Variants in NAV2 observed in about 807,000 individuals in gnomAD.
NAV2 encodes neuron navigator 2.
A neutral mutation model predicts 223.2 loss-of-function variants in NAV2; 54 were observed. The observed-to-expected ratio is 0.24, with a 90% confidence interval of 0.19 to 0.30. The LOEUF is 0.30. Among genes scored for constraint, NAV2 ranks in the 10% least tolerant of loss-of-function variants. The probability of loss-of-function intolerance (pLI) is 1.00; values close to 1 mark genes in which losing one functional copy is unlikely to be tolerated. For missense variants in NAV2, 2,806 were observed against 3,147.5 expected, an observed-to-expected ratio of 0.89 and a Z score of 2.60; for synonymous variants, 1,279 against 1,239.3, an observed-to-expected ratio of 1.03 and a Z score of -0.67.
intron 1 of NAV2, among the ~76,000 whole-genome samples, chr11:19,386,197 C>T (rs1849036395): frequency 6.6e-6 from 1 of 152,212 alleles, no homozygotes; most frequent in South Asian, 2.1e-4. Context: ...ATGCATTTAA[C>T]AATCGTTTGG....
chr11:19,803,037 GGTTT>G (rs2058358093), intron 1 of NAV2, among the ~76,000 whole-genome samples: 1 of 152,052 alleles, frequency 6.6e-6, no homozygotes, highest in Admixed American at 6.6e-5. Flanking sequence ...TCCAGGCTGG[GGTTT>G]ATTTTTACCA....
chr11:19,618,113 T>C (rs1012826715), intron 1 of NAV2, among the ~76,000 whole-genome samples: 1 of 152,240 alleles, frequency 6.6e-6, no homozygotes, highest in African/African-American at 2.4e-5. Context: ...ATAAGACCCA[T>C]AAGGCAGATA....
intron 36 of NAV2, among the ~76,000 whole-genome samples, chr11:20,108,593 C>T (rs1174650073): frequency 6.8e-6 from 1 of 147,482 alleles, no homozygotes; most frequent in Non-Finnish European, 1.5e-5. Context: ...CAGGCGTGTG[C>T]TACCACACCT....
At chr11:19,586,506 G>T (rs951676531) in intron 1 of NAV2, among the ~76,000 whole-genome samples, 1 of 152,210 alleles carries the variant, frequency 6.6e-6, no homozygotes, top group African/African-American at 2.4e-5. Flanking sequence ...CCATCTTTGT[G>T]GTTTTATCTA....
chr11:19,824,476 C>T (rs182614481), intron 1 of NAV2, among the ~76,000 whole-genome samples: 51 of 152,284 alleles, frequency 3.3e-4, no homozygotes, highest in African/African-American at 1.1e-3. Flanking sequence ...TCTGAGAAAC[C>T]GGAGAGCAGA....
chr11:19,593,153 C>T (rs1254084942), intron 1 of NAV2, among the ~76,000 whole-genome samples: 1 of 152,152 alleles, frequency 6.6e-6, no homozygotes, highest in Non-Finnish European at 1.5e-5. Context: ...CTCTCCCTTC[C>T]GCCACCCCCA....
At chr11:19,485,903 A>T (rs1322854767) in intron 1 of NAV2, among the ~76,000 whole-genome samples, 2 of 152,088 alleles carry the variant, frequency 1.3e-5, no homozygotes, top group African/African-American at 4.8e-5. Context: ...TTATTACAGT[A>T]TACAGGGAAA....
At chr11:19,593,691 T>A (rs1173203664) in intron 1 of NAV2, among the ~76,000 whole-genome samples, 1 of 152,176 alleles carries the variant, frequency 6.6e-6, no homozygotes, top group Non-Finnish European at 1.5e-5. Flanking sequence ...TGTCTCTACA[T>A]CTTTGCTGGA....
chr11:20,087,525 G>C (rs2153676475), intron 26 of NAV2, among the ~76,000 whole-genome samples: 1 of 152,286 alleles, frequency 6.6e-6, no homozygotes, highest in South Asian at 2.1e-4. Flanking sequence ...CAAAAGGAAT[G>C]GTAGTTGTGG....
intron 11 of NAV2, among the ~76,000 whole-genome samples, chr11:19,984,762 G>C (rs1205461297): frequency 1.3e-5 from 2 of 152,208 alleles, no homozygotes; most frequent in Admixed American, 1.3e-4. Flanking sequence ...CATAGAGGTT[G>C]ATCAGGCGTC....
At chr11:19,797,831 G>A (rs1047705085) in intron 1 of NAV2, among the ~76,000 whole-genome samples, 63 of 152,234 alleles carry the variant, frequency 4.1e-4, no homozygotes, top group African/African-American at 1.5e-3. Context: ...CCCTCCTCAG[G>A]TGGTCCTGAG....
chr11:19,351,774 G>C (rs1853328673), intron 1 of NAV2, among the ~76,000 whole-genome samples: 1 of 115,258 alleles, frequency 8.7e-6, no homozygotes, highest in African/African-American at 3.4e-5. Context: ...AATAATTTCT[G>C]ACATTTCCTT....
intron 1 of NAV2, among the ~76,000 whole-genome samples, chr11:19,491,293 A>G (rs2042617957): frequency 6.6e-6 from 1 of 152,186 alleles, no homozygotes; most frequent in African/African-American, 2.4e-5. Context: ...CTCTCTAGCT[A>G]TGAAAGTCCT....
At chr11:19,377,402 C>T (rs1375145036) in intron 1 of NAV2, among the ~76,000 whole-genome samples, 1 of 152,206 alleles carries the variant, frequency 6.6e-6, no homozygotes, top group Non-Finnish European at 1.5e-5. Context: ...TCCTACCCTG[C>T]TCTGTTCCTG....
intron 10 of NAV2, among the ~76,000 whole-genome samples, chr11:19,949,638 T>A (rs1337582194): frequency 2.0e-5 from 3 of 152,210 alleles, no homozygotes; most frequent in Non-Finnish European, 4.4e-5. Context: ...TAGGTGTGTG[T>A]CCTGCCTCCT....
At chr11:19,529,497 A>C (rs547615887) in intron 1 of NAV2, among the ~76,000 whole-genome samples, 36 of 151,582 alleles carry the variant, frequency 2.4e-4, no homozygotes, top group African/African-American at 8.2e-4. Flanking sequence ...CCCCATCCCC[A>C]GTAATTCTCT....
chr11:19,900,405 C>T (rs559165638), intron 6 of NAV2, among the ~76,000 whole-genome samples: 4 of 152,238 alleles, frequency 2.6e-5, no homozygotes, highest in African/African-American at 7.2e-5. Context: ...TTGGCTCTGC[C>T]GCTTCCCAGA....
chr11:19,529,930 T>C (rs543719069), intron 1 of NAV2, among the ~76,000 whole-genome samples: 1 of 152,318 alleles, frequency 6.6e-6, no homozygotes, highest in South Asian at 2.1e-4. Context: ...TTTACTACCA[T>C]TGACCTCCTC....
intron 22 of NAV2, among the ~76,000 whole-genome samples, chr11:20,072,508 C>T (rs1016330047): frequency 6.6e-6 from 1 of 152,174 alleles, no homozygotes; most frequent in Admixed American, 6.5e-5. Flanking sequence ...AGCATTGAAT[C>T]TATAAATTAC....
Sources: allele counts gnomAD v4.1 joint callset (sites outside exome capture counted in the v4.1 genomes callset), GRCh38; gene constraint gnomAD v4.1.1; transcripts MANE v1.5; gene names NCBI Gene and HGNC (gene_info 2026-07-23, HGNC 2026-07-21).